Variants in CACNA1B observed in about 807,000 individuals in gnomAD.
CACNA1B encodes voltage-dependent N-type calcium channel subunit alpha-1B.
In CACNA1B, 70 loss-of-function variants were observed where a neutral mutation model predicts 247.2. The observed-to-expected ratio is 0.28, with a 90% CI of 0.23 to 0.35. CACNA1B has a LOEUF of 0.35. Ranked by LOEUF, CACNA1B falls within the 10% of genes least tolerant of loss-of-function variation. CACNA1B has a pLI of 1.00. For missense variants in CACNA1B, 2,367 were observed against 3,197.4 expected (o/e 0.74, Z 6.26); for synonymous variants, 1,231 against 1,294.4 (o/e 0.95, Z 1.05).
intron 12 of CACNA1B, among the ~76,000 whole-genome samples, chr9:137,983,157 A>T (rs1490732915): frequency 6.6e-6 from 1 of 152,250 alleles, no homozygotes; most frequent in Non-Finnish European, 1.5e-5. Flanking sequence ...AACTTTGGAA[A>T]ATATATGTCC....
rs376982914 is a variant in CACNA1B, at chr9:138,048,116, A to G, written c.3603+658A>G. ...CAGCGTGTGCATATGGAGCACTGAC[A>G]GCAGATGCATGAACACGTTACCTCT... On this transcript the variant is annotated intron_variant, in intron 23 of 46. Coordinates refer to ENST00000371372, the MANE Select transcript of CACNA1B (RefSeq NM_000718.4). 3.1e-4 allele frequency among the ~76,000 whole-genome samples: 47 copies of G among 152,364 alleles called. No individual in the cohort carries two copies. The East Asian group carries it at 8.7e-3, about 28-fold the overall frequency.
intron 6 of CACNA1B, among the ~76,000 whole-genome samples, chr9:137,942,767 G>T (rs926341202): frequency 6.6e-6 from 1 of 152,214 alleles, no homozygotes. Flanking sequence ...GAGCTAAGCT[G>T]TGAGGATGCA....
chr9:137,928,914 A>C (rs980500205), intron 6 of CACNA1B, among the ~76,000 whole-genome samples: 1 of 152,230 alleles, frequency 6.6e-6, no homozygotes, highest in African/African-American at 2.4e-5. Context: ...TCCACGATGA[A>C]GCAAGTATTG....
At chr9:137,908,628 AATT>A (rs1237284093) in intron 3 of CACNA1B, among the ~76,000 whole-genome samples, 4 of 152,038 alleles carry the variant, frequency 2.6e-5, no homozygotes, top group African/African-American at 9.7e-5. Flanking sequence ...TTAAATTTTT[AATT>A]ATTATTATTA....
intron 12 of CACNA1B, among the ~76,000 whole-genome samples, chr9:137,980,549 C>T (rs889087184): frequency 2.6e-5 from 4 of 152,204 alleles, no homozygotes; most frequent in Non-Finnish European, 5.9e-5. Context: ...AGGGGTTACA[C>T]GTGCAGGTTT....
At chr9:138,015,051 C>T (rs1958773458) in intron 18 of CACNA1B, among the ~76,000 whole-genome samples, 1 of 152,154 alleles carries the variant, frequency 6.6e-6, no homozygotes, top group Non-Finnish European at 1.5e-5. Flanking sequence ...GAAAGAGCTT[C>T]TTTTTTCCCG....
chr9:138,090,899 T>C (rs970615284), intron 36 of CACNA1B, among the ~76,000 whole-genome samples: 5 of 151,600 alleles, frequency 3.3e-5, no homozygotes, highest in African/African-American at 9.7e-5. Flanking sequence ...ATGGCTGTTA[T>C]CAAAAACACA....
rs1961783451 is a variant in CACNA1B at position 138,114,456 on chromosome 9, A to AC, written c.5617dup (p.Gln1873ProfsTer78). ...TACAAGCAGAACAAAACCACCAGAG[A>AC]CCAGATGCAGCAGGCTCCTGGAGGC... On this transcript the variant is annotated frameshift_variant, in exon 41 of 47. Transcript: ENST00000371372. LOFTEE classifies it high-confidence loss of function. 1 of 1,587,670 alleles carries AC rather than the reference A, an allele frequency of 6.3e-7. No homozygotes were observed.
At chr9:138,107,009 T>C (rs903631983) in intron 39 of CACNA1B, among the ~76,000 whole-genome samples, 5 of 152,114 alleles carry the variant, frequency 3.3e-5, no homozygotes, top group African/African-American at 1.2e-4. Context: ...TCTTTGAACC[T>C]TTTTTATCTG....
At chr9:138,044,838 C>G (rs929981286) in intron 21 of CACNA1B, among the ~76,000 whole-genome samples, 1 of 152,260 alleles carries the variant, frequency 6.6e-6, no homozygotes, top group Non-Finnish European at 1.5e-5. Context: ...CTCCTCCCCC[C>G]AGTCACTCTT....
At chr9:138,042,187 C>T (rs574966055) in intron 20 of CACNA1B, among the ~76,000 whole-genome samples, 29 of 152,328 alleles carry the variant, frequency 1.9e-4, no homozygotes, top group Middle Eastern at 3.4e-3. Context: ...TTACAACACA[C>T]GCCTGTAAGC....
intron 35 of CACNA1B, among the ~76,000 whole-genome samples, chr9:138,076,844 A>G (rs1960338371): frequency 6.6e-6 from 1 of 152,230 alleles, no homozygotes; most frequent in Non-Finnish European, 1.5e-5. Context: ...GGGCGAGCTC[A>G]GACCCAGACC....
chr9:138,000,168 G>C (rs910001099), intron 15 of CACNA1B, among the ~76,000 whole-genome samples: 7 of 150,886 alleles, frequency 4.6e-5, no homozygotes, highest in Non-Finnish European at 2.9e-5. Flanking sequence ...GTGCGATCTC[G>C]GCTCACTGCA....
chr9:138,098,193 T>A (rs62579475), intron 37 of CACNA1B, among the ~76,000 whole-genome samples: 22,211 of 152,270 alleles, frequency 0.15, 2,155 homozygotes, highest in East Asian at 0.47. Context: ...TCATGTCCGA[T>A]GCAGCAATAT....
At chr9:137,922,398 A>C (rs982852730) in intron 6 of CACNA1B, among the ~76,000 whole-genome samples, 2 of 151,926 alleles carry the variant, frequency 1.3e-5, no homozygotes, top group East Asian at 1.9e-4. Flanking sequence ...ACCACACCAC[A>C]CAGCATCCTG....
In CACNA1B at chr9:138,010,143, A is replaced by G; in HGVS notation, c.2160+66A>G. ...CTTGAATGTGGCCGCAGCCAGGAAG[A>G]GTCTGGGTCCTGGGTTAGGGCCTCG... On this transcript the variant is annotated intron_variant, in intron 17 of 46. Transcript: ENST00000371372. This position sits in a 1 kb window ranked among gnomAD's most constrained non-coding sequence, Gnocchi z 5.3. 1.5e-6 allele frequency: 2 copies of G among 1,345,830 alleles called. No homozygotes were observed. Among genetic ancestry groups the G allele is most frequent in the Non-Finnish European group, 1.1e-6 (1 of 937,378 alleles). The allele number at this position is 1,345,830 out of a possible 1,614,324, so 83.4% of individuals were successfully genotyped here.
intron 15 of CACNA1B, among the ~76,000 whole-genome samples, chr9:138,001,680 A>G (rs1263644960): frequency 2.6e-5 from 4 of 152,184 alleles, no homozygotes. Context: ...TAGATAATAT[A>G]TTAGATATAA....
intron 20 of CACNA1B, among the ~76,000 whole-genome samples, chr9:138,030,459 T>C (rs1378782343): frequency 6.6e-6 from 1 of 152,228 alleles, no homozygotes. Flanking sequence ...TAATTATTTC[T>C]CTATGTTGCT....
In CACNA1B at chr9:137,881,266, G is replaced by A. The variant is rs560135833; in HGVS notation, c.391-1478G>A. 1.3e-5 allele frequency among the ~76,000 whole-genome samples: 2 copies of A among 152,314 alleles called. No homozygotes were observed. Among genetic ancestry groups the A allele is most frequent in the East Asian group, 1.9e-4 (1 of 5,174 alleles). On this transcript the variant is annotated intron_variant, in intron 2 of 46. Transcript: ENST00000371372. The surrounding 1 kb of genome is among the most constrained non-coding windows in gnomAD (Gnocchi z 4.3). ...AGGAAGAGCATGGGCGAGTCAGCAC[G>A]GGTCATGATGGACCCTTGGGTGCTG...
Sources: gnomAD v4.1 joint callset for allele counts (sites outside exome capture counted in the v4.1 genomes callset) on GRCh38, gnomAD v4.1.1 for gene constraint, Gnocchi (gnomAD v3.1) non-coding constraint, MANE v1.5 for transcripts, NCBI Gene and HGNC (gene_info 2026-07-23, HGNC 2026-07-21) for gene names.